Variants in SYTL2 observed in about 807,000 individuals in gnomAD.
SYTL2 encodes the protein synaptotagmin-like protein 2.
A neutral mutation model predicts 198.7 loss-of-function variants in SYTL2; 165 were observed. That is an observed-to-expected ratio of 0.83 (90% confidence interval 0.73 to 0.94). SYTL2 has a LOEUF of 0.94. Ranked by LOEUF, SYTL2 falls within the 40% of genes least tolerant of loss-of-function variation. SYTL2 has a pLI of 0.00. For missense variants in SYTL2, 2,835 were observed against 2,582.8 expected (o/e 1.10, Z -2.12); for synonymous variants, 966 against 917.7 (o/e 1.05, Z -0.95).
chr11:85,749,154 C>T (rs901051716), intron 2 of SYTL2, among the ~76,000 whole-genome samples: 2 of 152,132 alleles, frequency 1.3e-5, no homozygotes, highest in African/African-American at 4.8e-5. Context: ...ACCTAAAGAA[C>T]AAACAAGATA....
intron 7 of SYTL2, among the ~76,000 whole-genome samples, chr11:85,728,576 C>T (rs2089484172): frequency 6.6e-6 from 1 of 152,150 alleles, no homozygotes; most frequent in Non-Finnish European, 1.5e-5. Flanking sequence ...TGAGCCACCA[C>T]ACCCAGCTCC....
intron 1 of SYTL2, among the ~76,000 whole-genome samples, chr11:85,802,220 C>CTTTTTTTTTTTTTTT (rs5793172): frequency 6.5e-5 from 8 of 122,584 alleles, no homozygotes; most frequent in South Asian, 2.6e-4. Flanking sequence ...TTTTTCTTTT[C>CTTTTTTTTTTTTTTT]TTTTTTTTTT....
chr11:85,822,500 C>A, the SYTL2 span, among the ~76,000 whole-genome samples: 1 of 151,578 alleles, frequency 6.6e-6, no homozygotes, highest in Admixed American at 6.5e-5. Flanking sequence ...ATTAGATGAA[C>A]CCCTGCAAAC....
chr11:85,786,452 A>C (rs2092637572), intron 1 of SYTL2, among the ~76,000 whole-genome samples: 1 of 152,206 alleles, frequency 6.6e-6, no homozygotes, highest in Non-Finnish European at 1.5e-5. Context: ...GTTGTGATAT[A>C]CTATAGTTGT....
intron 15 of SYTL2, among the ~76,000 whole-genome samples, chr11:85,705,668 A>T (rs1329701227): frequency 6.6e-6 from 1 of 152,230 alleles, no homozygotes; most frequent in East Asian, 1.9e-4. Flanking sequence ...ACATATAATC[A>T]TGGAAAGGAC....
Position 85,724,780 on chromosome 11 carries a change from T to C in SYTL2, c.4578A>G (p.Ser1526=). The change falls in exon 8 of 20, where the codon TCA becomes TCG. Residue 1526 remains serine (S), a synonymous_variant. Coordinates refer to ENST00000359152, the MANE Select transcript of SYTL2 (RefSeq NM_206927.4). ...GCTCCTCTGTACTACCTATTAACTT[T>C]GATGGAGAAAGATTCCCTGTATCAC... The part of the protein sequence containing the change: ...YESDTGNLSP[S]KLIGSTEEPR... 1 of 1,612,956 alleles carries C rather than the reference T, an allele frequency of 6.2e-7. No homozygotes were observed. The highest frequency in any genetic ancestry group is 8.5e-7 in the Non-Finnish European group (1 of 1,179,672).
chr11:85,755,578 G>C (rs2091815728), intron 2 of SYTL2, among the ~76,000 whole-genome samples: 1 of 152,182 alleles, frequency 6.6e-6, no homozygotes. Flanking sequence ...TGAAGTTGTA[G>C]ATTGGCTGAT....
At chr11:85,697,256 T>G (rs2083535346) in intron 18 of SYTL2, among the ~76,000 whole-genome samples, 1 of 152,176 alleles carries the variant, frequency 6.6e-6, no homozygotes, top group Non-Finnish European at 1.5e-5. Flanking sequence ...ACCAGGCTGG[T>G]CTTGAACTCC....
chr11:85,844,097 T>TGA, the SYTL2 span, among the ~76,000 whole-genome samples: 1 of 152,250 alleles, frequency 6.6e-6, no homozygotes, highest in Non-Finnish European at 1.5e-5. Flanking sequence ...TTTCAACTGT[T>TGA]GATGGCTTCA....
At chr11:85,820,136 C>T in the SYTL2 span, among the ~76,000 whole-genome samples, 1 of 152,128 alleles carries the variant, frequency 6.6e-6, no homozygotes, top group African/African-American at 2.4e-5. Flanking sequence ...AAGCAACAAC[C>T]CACAGTAGTA....
chr11:85,718,570 T>G, intron 10 of SYTL2: 1 of 560,232 alleles, frequency 1.8e-6, no homozygotes, highest in Non-Finnish European at 3.2e-6. Flanking sequence ...CAAGGGTCTC[T>G]GATGAGATCC....
chr11:85,801,099 T>C (rs1012118287), intron 1 of SYTL2, among the ~76,000 whole-genome samples: 1 of 152,186 alleles, frequency 6.6e-6, no homozygotes, highest in African/African-American at 2.4e-5. Flanking sequence ...CCATTTCCCA[T>C]AGATGATAGT....
At chr11:85,805,981 A>G (rs970199048) in intron 1 of SYTL2, among the ~76,000 whole-genome samples, 1 of 152,242 alleles carries the variant, frequency 6.6e-6, no homozygotes, top group Non-Finnish European at 1.5e-5. Flanking sequence ...TACAAGGGAT[A>G]ACACATAGGA....
chr11:85,833,342 TATATATACACG>T, the SYTL2 span, among the ~76,000 whole-genome samples: 1 of 148,160 alleles, frequency 6.7e-6, no homozygotes, highest in Non-Finnish European at 1.5e-5. Flanking sequence ...ATATATATCA[TATATATACACG>T]ATATATATAT....
At chr11:85,776,899 G>C (rs2092460988) in intron 1 of SYTL2, among the ~76,000 whole-genome samples, 1 of 152,142 alleles carries the variant, frequency 6.6e-6, no homozygotes, top group Admixed American at 6.5e-5. Flanking sequence ...TAAGACAATG[G>C]GGTGTATTTA....
chr11:85,765,382 A>G (rs565503075), intron 1 of SYTL2, among the ~76,000 whole-genome samples: 5 of 152,090 alleles, frequency 3.3e-5, no homozygotes, highest in African/African-American at 1.2e-4. Context: ...GATTATAGGC[A>G]CCTGCCACCA....
chr11:85,694,965 G>A lies in SYTL2; in HGVS notation c.*230C>T. 1 of 360,254 alleles carries A rather than the reference G, an allele frequency of 2.8e-6. No homozygotes were observed. The highest frequency in any genetic ancestry group is 4.5e-5 in the Admixed American group (1 of 22,400). 22.3% of individuals were successfully genotyped at this position (360,254 alleles called of 1,614,324 possible). The stretch of plus-strand genomic sequence containing the variant: ...AGCAGAAATTCAATTTTCCTAGCTT[G>A]TTCAAATATCTTATTTAATATTAGA... On this transcript the variant is annotated 3_prime_UTR_variant, in exon 20 of 20. Transcript: ENST00000359152.
At chr11:85,774,182 G>C (rs2092410900) in intron 1 of SYTL2, among the ~76,000 whole-genome samples, 1 of 152,144 alleles carries the variant, frequency 6.6e-6, no homozygotes, top group African/African-American at 2.4e-5. Context: ...TAATTGGTAG[G>C]ACTTGAATTT....
Position 85,707,507 on chromosome 11 carries a change from T to C in SYTL2, c.5940A>G (p.Pro1980=). The C allele has an allele frequency of 1.2e-6, 2 of 1,613,394 alleles. No homozygotes were observed. The highest frequency in any genetic ancestry group is 1.7e-6 in the Non-Finnish European group (2 of 1,179,464). The change falls in exon 15 of 20, where the codon CCA becomes CCG. Residue 1980 remains proline, a synonymous_variant. Coordinates refer to ENST00000359152, the MANE Select transcript of SYTL2 (RefSeq NM_206927.4). ...SDPYVKAYLL[P]DKGKMGKKKT... The stretch of plus-strand genomic sequence containing the variant: ...TCTTCTTGCCCATTTTGCCTTTGTC[T>C]GGTAGCAAATAGGCCTTTACATATC...
Sources: allele counts gnomAD v4.1 joint callset (sites outside exome capture counted in the v4.1 genomes callset), GRCh38; gene constraint gnomAD v4.1.1; transcripts MANE v1.5; gene names NCBI Gene and HGNC (gene_info 2026-07-23, HGNC 2026-07-21).